PPHLN1: variants seen among roughly 807,000 people sequenced by gnomAD.
The protein encoded by PPHLN1 is periphilin-1.
A neutral mutation model predicts 51.3 loss-of-function variants in PPHLN1; 29 were observed. That is an observed-to-expected ratio of 0.57 (90% CI 0.42 to 0.77). The LOEUF (loss-of-function observed/expected upper bound fraction) is 0.77. PPHLN1 is among the 30% of genes least tolerant of loss of function. The probability of loss-of-function intolerance (pLI) is 0.00; values close to 1 mark genes in which losing one functional copy is unlikely to be tolerated. For synonymous variants in PPHLN1, 147 were observed against 147.8 expected, an observed-to-expected ratio of 0.99 and a Z score of 0.04; for missense variants, 436 against 438.4, an observed-to-expected ratio of 0.99 and a Z score of 0.05.
Position 42,404,688 on chromosome 12 carries a change from C to A in PPHLN1, c.909+5694C>A, listed in dbSNP as rs149078569. Among the ~76,000 whole-genome samples the A allele has an allele frequency of 3.5e-3, 531 of 152,226 alleles. 5 individuals carry two copies. The highest frequency in any genetic ancestry group is 0.012 in the African/African-American group (516 of 41,526). ...TTGTTGTTTATTTCCTTTTCCCCAC[C>A]TCCTTCCTAATTTGTTCAAAATGAA... is the stretch of plus-strand genomic sequence containing the variant. On this transcript the variant is annotated intron_variant, in intron 9 of 9. Transcript: ENST00000358314.
At chr12:42,405,279 C>T (rs1352405599) in intron 9 of PPHLN1, among the ~76,000 whole-genome samples, 4 of 152,216 alleles carry the variant, frequency 2.6e-5, no homozygotes, top group Non-Finnish European at 5.9e-5. Context: ...TGTCTTGAAA[C>T]ATCTGCTGTC....
At chr12:42,437,047 C>T (rs542344477) in intron 9 of PPHLN1, among the ~76,000 whole-genome samples, 1 of 152,290 alleles carries the variant, frequency 6.6e-6, no homozygotes, top group East Asian at 1.9e-4. Context: ...GATTCTTGCT[C>T]ATTTTTCTCT....
rs905942166 is a variant in PPHLN1, at chr12:42,431,843, C to T, written c.910-9472C>T. 3.4e-5 allele frequency: 52 copies of T among 1,531,790 alleles called. No individual in the cohort carries two copies. The African/African-American group carries it at 6.1e-4, about 18-fold the overall frequency. 94.9% of individuals were successfully genotyped at this position (1,531,790 alleles called of 1,614,324 possible). A position where few individuals can be genotyped will look rare whatever the true frequency, so the allele number is the denominator to read the frequency against. ...CTTCAATCACATATTTTGCCTAGCC[C>T]ATTTTCAATAACTGAAGCTGTATCA... On this transcript the variant is annotated intron_variant, in intron 9 of 9. Transcript: ENST00000358314.
chr12:42,339,280 G>A (rs559715376), intron 2 of PPHLN1, among the ~76,000 whole-genome samples: 51 of 152,194 alleles, frequency 3.4e-4, no homozygotes, highest in African/African-American at 1.2e-3. Context: ...CCATTAGATT[G>A]GTCTTTCTGT....
chr12:42,439,669 T>G (rs1215691760), intron 9 of PPHLN1, among the ~76,000 whole-genome samples: 1 of 152,182 alleles, frequency 6.6e-6, no homozygotes, highest in African/African-American at 2.4e-5. Flanking sequence ...AGTGCCATCA[T>G]GCCCAGCTAA....
At chr12:42,399,414 TA>T in intron 9 of PPHLN1, 1 of 920,256 alleles carries the variant, frequency 1.1e-6, no homozygotes, top group Non-Finnish European at 1.3e-6. Flanking sequence ...TAAAGGATAC[TA>T]TTTAAGTCTA....
intron 4 of PPHLN1, chr12:42,359,520 G>A (rs528956466): frequency 6.6e-6 from 1 of 152,306 alleles, no homozygotes; most frequent in African/African-American, 2.4e-5. Context: ...TAATGTCTCA[G>A]GTTTTATGCT....
intron 4 of PPHLN1, among the ~76,000 whole-genome samples, chr12:42,361,901 G>A (rs2074734672): frequency 6.6e-6 from 1 of 152,162 alleles, no homozygotes. Flanking sequence ...ATGTAAGAGT[G>A]GAATTACTGA....
At chr12:42,412,782 C>T (rs2079991351) in intron 9 of PPHLN1, among the ~76,000 whole-genome samples, 1 of 152,156 alleles carries the variant, frequency 6.6e-6, no homozygotes, top group Non-Finnish European at 1.5e-5. Flanking sequence ...TCCACACCAA[C>T]ATTATTGTTT....
At chr12:42,329,170 T>C (rs1020638590) in intron 1 of PPHLN1, among the ~76,000 whole-genome samples, 1 of 151,582 alleles carries the variant, frequency 6.6e-6, no homozygotes, top group Non-Finnish European at 1.5e-5. Context: ...GGCGCGATCT[T>C]GGCTCACTGC....
At chr12:42,425,178 C>A (rs1214042800) in intron 9 of PPHLN1, among the ~76,000 whole-genome samples, 1 of 151,348 alleles carries the variant, frequency 6.6e-6, no homozygotes, top group East Asian at 1.9e-4. Flanking sequence ...CCTCCCAGTT[C>A]AAGCAATTCT....
intron 9 of PPHLN1, among the ~76,000 whole-genome samples, chr12:42,404,313 G>C (rs2079096003): frequency 6.6e-6 from 1 of 152,146 alleles, no homozygotes. Context: ...TGGATCACTT[G>C]AGGCCAGGAG....
At chr12:42,393,426 G>T in intron 7 of PPHLN1, 144 bp from the exon 8 acceptor site, 1 of 723,950 alleles carries the variant, frequency 1.4e-6, no homozygotes, top group Non-Finnish European at 2.1e-6. Context: ...GAATATTTTT[G>T]AAGGAGGAAA....
At chr12:42,362,862 G>A (rs546200287) in intron 4 of PPHLN1, among the ~76,000 whole-genome samples, 1 of 152,284 alleles carries the variant, frequency 6.6e-6, no homozygotes, top group Admixed American at 6.5e-5. Context: ...ATTATTCAGG[G>A]TAGTTCTCAG....
intron 4 of PPHLN1, among the ~76,000 whole-genome samples, chr12:42,369,568 A>AT (rs2075604125): frequency 6.6e-6 from 1 of 152,130 alleles, no homozygotes; most frequent in African/African-American, 2.4e-5. Flanking sequence ...AACATATATT[A>AT]TTTTGTTTAT....
At position 42,328,773 on chromosome 12, in the gene PPHLN1, G is replaced by A. The variant is rs143630639; in HGVS notation, c.-21+2544G>A. On this transcript the variant is annotated intron_variant, in intron 1 of 9. Coordinates refer to ENST00000358314, the MANE Select transcript of PPHLN1 (RefSeq NM_201439.2). ...TGCCCAGGCTGGAGTGCAGTGGCACGATCATGGCTCACTGCAACCTCCATC... is the reference window on the plus strand; with the variant it reads ...TGCCCAGGCTGGAGTGCAGTGGCACAATCATGGCTCACTGCAACCTCCATC... Among the ~76,000 whole-genome samples, 446 of 152,174 alleles carry A rather than the reference G, an allele frequency of 2.9e-3. 2 individuals are homozygous for A. Among genetic ancestry groups the A allele is most frequent in the East Asian group, 0.017 (88 of 5,180 alleles).
chr12:42,398,697 G>T, intron 8 of PPHLN1, 157 bp from the exon 9 acceptor site: 1 of 535,236 alleles, frequency 1.9e-6, no homozygotes, highest in Non-Finnish European at 3.1e-6. Context: ...TTTCACATAT[G>T]CTCATTATGC....
At chr12:42,360,458 CTTTTTTTTTTTTTTT>C (rs71084642) in intron 4 of PPHLN1, among the ~76,000 whole-genome samples, 5 of 56,274 alleles carry the variant, frequency 8.9e-5, no homozygotes, top group Admixed American at 2.6e-4. Context: ...ATGCTGAATT[CTTTTTTTTTTTTTTT>C]TTTTTTTTTT....
At chr12:42,353,560 C>G (rs772850729) in intron 3 of PPHLN1, among the ~76,000 whole-genome samples, 1 of 152,180 alleles carries the variant, frequency 6.6e-6, no homozygotes, top group South Asian at 2.1e-4. Context: ...TTATAGCTTT[C>G]TTAGTTTTCA....
Sources: gnomAD v4.1 joint callset for allele counts (sites outside exome capture counted in the v4.1 genomes callset) on GRCh38, gnomAD v4.1.1 for gene constraint, MANE v1.5 for transcripts, NCBI Gene and HGNC (gene_info 2026-07-23, HGNC 2026-07-21) for gene names.